Variants in ZPR1 observed in about 807,000 individuals in gnomAD.
ZPR1 encodes the protein zinc finger protein ZPR1.
Under a neutral mutation model 59.6 loss-of-function variants are expected in ZPR1, and 37 were observed. The ratio of observed to expected loss-of-function variants is 0.62; its 90% CI spans 0.48 to 0.82. The LOEUF (loss-of-function observed/expected upper bound fraction) is 0.82. Ranked by LOEUF, ZPR1 falls within the 40% of genes least tolerant of loss-of-function variation. The pLI, the probability that ZPR1 is intolerant of heterozygous loss-of-function variation, is 0.00. For synonymous variants in ZPR1, 191 were observed against 215.2 expected, an observed-to-expected ratio of 0.89 and a Z score of 0.99; for missense variants, 527 against 579.9, an observed-to-expected ratio of 0.91 and a Z score of 0.94.
intron 9 of ZPR1, 91 bp downstream of exon 9, chr11:116,784,287 C>T: frequency 7.4e-7 from 1 of 1,344,586 alleles, no homozygotes; most frequent in Admixed American, 1.7e-5. Flanking sequence ...ACACCCCCTG[C>T]CCCCGAGTAC....
intron 12 of ZPR1, among the ~76,000 whole-genome samples, chr11:116,781,909 G>A (rs1473695517): frequency 6.6e-6 from 1 of 152,038 alleles, no homozygotes; most frequent in African/African-American, 2.4e-5. Context: ...CTACTCGGGA[G>A]GCTGAGGCAG....
chr11:116,783,141 C>G (rs749138377), intron 10 of ZPR1, 112 bp from the exon 11 acceptor site: 29 of 740,674 alleles, frequency 3.9e-5, no homozygotes, highest in Non-Finnish European at 5.7e-5. Context: ...GGGCAGCTGT[C>G]TCAGTTTTCT....
At chr11:116,779,270 C>T (rs1405379588) in intron 13 of ZPR1, among the ~76,000 whole-genome samples, 2 of 152,214 alleles carry the variant, frequency 1.3e-5, no homozygotes, top group African/African-American at 4.8e-5. Context: ...AATCAGGGAA[C>T]AATCCACCTA....
At chr11:116,779,206 T>A in intron 13 of ZPR1, 147 bp from the exon 14 acceptor site, 4 of 1,130,712 alleles carry the variant, frequency 3.5e-6, no homozygotes, top group Non-Finnish European at 3.7e-6. Context: ...TAGACTGAAC[T>A]AGTGGGTAGC....
chr11:116,784,346 A>G, intron 9 of ZPR1, 32 bp downstream of exon 9: 3 of 1,608,614 alleles, frequency 1.9e-6, no homozygotes, highest in Non-Finnish European at 2.6e-6. Flanking sequence ...CCCTTAAGCT[A>G]GTCTTCTTCC....
At chr11:116,786,715 A>G (rs1940893216) in intron 3 of ZPR1, 134 bp from the exon 4 acceptor site, 1 of 780,898 alleles carries the variant, frequency 1.3e-6, no homozygotes, top group Non-Finnish European at 2.2e-6. Context: ...GGCCAGGTGC[A>G]AGGTTCCATT....
At position 116,778,676 on chromosome 11, in the gene ZPR1, G is replaced by A. The variant is rs1264510344; in HGVS notation, c.*249C>T. The A allele has an allele frequency of 2.2e-6, 1 of 462,662 alleles. No individual in the cohort carries two copies. The highest frequency in any genetic ancestry group is 3.8e-6 in the Non-Finnish European group (1 of 262,130). The allele number at this position is 462,662 out of a possible 1,614,324, so 28.7% of individuals were successfully genotyped here. ...TGAAAAAAGTGATGACATACCCCTG[G>A]TTCATTTCTGGGTTTCCTCCTAGGC... On this transcript the variant is annotated 3_prime_UTR_variant, in exon 14 of 14. Transcript: ENST00000227322.
Position 116,775,031 on chromosome 11 carries a change from G to T in ZPR1, c.*3894C>A, listed in dbSNP as rs1336813039. The T allele has an allele frequency of 2.6e-5, 4 of 152,306 alleles. No individual in the cohort carries two copies. The highest frequency in any genetic ancestry group is 9.7e-5 in the African/African-American group (4 of 41,450). 9.4% of individuals were successfully genotyped at this position (152,306 alleles called of 1,614,324 possible). A position where few individuals can be genotyped will look rare whatever the true frequency, so the allele number is the denominator to read the frequency against. On this transcript the variant is annotated 3_prime_UTR_variant, in exon 14 of 14. Coordinates refer to ENST00000227322, the MANE Select transcript of ZPR1 (RefSeq NM_003904.5). ...AGCAGGATCAGATGCCGTGCCAATGGCCTGCTCTGAGCTTTGGCCTCTCTC... is the reference window on the plus strand; with the variant it reads ...AGCAGGATCAGATGCCGTGCCAATGTCCTGCTCTGAGCTTTGGCCTCTCTC...
At chr11:116,783,128 C>G in intron 10 of ZPR1, 99 bp from the exon 11 acceptor site, 1 of 854,698 alleles carries the variant, frequency 1.2e-6, no homozygotes, top group South Asian at 1.5e-5. Flanking sequence ...AGACTGCGGA[C>G]AAGGGCAGCT....
Position 116,785,593 on chromosome 11 carries a change from T to C in ZPR1, c.626A>G (p.His209Arg), listed in dbSNP as rs746708495. 36 of 1,614,204 alleles carry C rather than the reference T, an allele frequency of 2.2e-5. No homozygotes were observed. The highest frequency in any genetic ancestry group is 3.0e-5 in the Non-Finnish European group (35 of 1,180,036). The part of the protein sequence containing the change: ...PSGNSFVENP[H>R]APQKDDALVI... ...CAGGGCATCATCTTTCTGAGGAGCA[T>C]GTGGGTTTTCCACAAAACTGTTCCC... is the stretch of plus-strand genomic sequence containing the variant. The change falls in exon 6 of 14, where the codon CAT becomes CGT. Residue 209 changes from histidine (H) to arginine (R), a missense_variant. Physicochemically the swap from His to Arg is conservative, Grantham distance 29 (BLOSUM62 0). Transcript: ENST00000227322.
intron 6 of ZPR1, 37 bp downstream of exon 6, chr11:116,785,477 T>C: frequency 6.2e-7 from 1 of 1,609,124 alleles, no homozygotes; most frequent in South Asian, 1.1e-5. Flanking sequence ...TGCGCGATAA[T>C]TCCAGAGCAT....
chr11:116,787,160 T>A, intron 2 of ZPR1, 101 bp from the exon 3 acceptor site: 1 of 1,056,226 alleles, frequency 9.5e-7, no homozygotes, highest in Non-Finnish European at 1.5e-6. Context: ...AGCCCAGCTG[T>A]CTCTCCCTCT....
rs1364616653 is a variant in ZPR1, at chr11:116,787,940, G to C, written c.51C>G (p.Ala17=). 1 of 1,472,558 alleles carries C rather than the reference G, an allele frequency of 6.8e-7. No individual in the cohort carries two copies. The highest frequency in any genetic ancestry group is 2.6e-5 in the Admixed American group (1 of 39,054). The allele number at this position is 1,472,558 out of a possible 1,614,324, so 91.2% of individuals were successfully genotyped here. ...VEPGPPGAAV[A]PSPAPAPPPA... is the part of the protein sequence containing the mutation. ...GCGGCGGGGCCGGGGCGGGCGACGG[G>C]GCGACGGCAGCCCCCGGGGGCCCTG... Residue 17 remains alanine, a synonymous_variant, in exon 1 of 14, where the codon GCC becomes GCG. Coordinates refer to ENST00000227322, the MANE Select transcript of ZPR1 (RefSeq NM_003904.5).
chr11:116,782,705 T>C (rs527395119), intron 11 of ZPR1, among the ~76,000 whole-genome samples: 1 of 152,282 alleles, frequency 6.6e-6, no homozygotes, highest in South Asian at 2.1e-4. Context: ...AAAATAACTA[T>C]AAAGTCCCAA....
chr11:116,785,732 T>A, intron 5 of ZPR1, 64 bp downstream of exon 5: 1 of 1,612,454 alleles, frequency 6.2e-7, no homozygotes, highest in Non-Finnish European at 8.5e-7. Context: ...CAGTGGAAAA[T>A]CCCAGCAGTC....
intron 2 of ZPR1, 51 bp downstream of exon 2, chr11:116,787,431 T>C: frequency 6.3e-7 from 1 of 1,583,602 alleles, no homozygotes; most frequent in Non-Finnish European, 8.6e-7. Flanking sequence ...CTGACCCCAG[T>C]ACCGAATCTC....
At chr11:116,785,364 C>T in intron 6 of ZPR1, 150 bp downstream of exon 6, 1 of 1,256,594 alleles carries the variant, frequency 8.0e-7, no homozygotes, top group South Asian at 1.4e-5. Flanking sequence ...GAAGTTTACC[C>T]AAGTCCTGGA....
At chr11:116,787,693 C>A in intron 1 of ZPR1, 50 bp from the exon 2 acceptor site, 1 of 1,581,392 alleles carries the variant, frequency 6.3e-7, no homozygotes, top group Admixed American at 1.7e-5. Context: ...AACTCCCTTT[C>A]CCCGCCCTAC....
chr11:116,787,458 G>T, intron 2 of ZPR1, 24 bp downstream of exon 2: 6 of 1,607,128 alleles, frequency 3.7e-6, no homozygotes, highest in Non-Finnish European at 5.1e-6. Context: ...GAATACTGAG[G>T]TACCTGCTCT....
Sources: allele counts gnomAD v4.1 joint callset (sites outside exome capture counted in the v4.1 genomes callset), GRCh38; gene constraint gnomAD v4.1.1; transcripts MANE v1.5; gene names NCBI Gene and HGNC (gene_info 2026-07-23, HGNC 2026-07-21).